The following SLC44A5 variants were observed in gnomAD, a reference collection of about 807,000 sequenced individuals.
SLC44A5 encodes the protein choline transporter-like protein 5.
In SLC44A5, 57 loss-of-function variants were observed where a neutral mutation model predicts 101.8. The ratio of observed to expected loss-of-function variants is 0.56; its 90% confidence interval spans 0.45 to 0.70. The LOEUF is 0.70. SLC44A5 is among the 30% of genes least tolerant of loss of function. The pLI is 0.00. For missense variants in SLC44A5, 737 were observed against 853.1 expected (o/e 0.86, Z 1.70); for synonymous variants, 281 against 290.9 (o/e 0.97, Z 0.35).
chr1:75,320,941 C>A (rs1247146373), intron 4 of SLC44A5, among the ~76,000 whole-genome samples: 1 of 151,952 alleles, frequency 6.6e-6, no homozygotes, highest in East Asian at 1.9e-4. Flanking sequence ...GGACTCTAAG[C>A]AAGTGTGCTT....
At chr1:75,262,535 A>G (rs555988771) in intron 6 of SLC44A5, among the ~76,000 whole-genome samples, 104 of 152,334 alleles carry the variant, frequency 6.8e-4, no homozygotes, top group African/African-American at 2.5e-3. Context: ...AAGAAACAAT[A>G]TTGTGAAAAT....
chr1:75,630,474 A>C, the SLC44A5 span, among the ~76,000 whole-genome samples: 1 of 152,274 alleles, frequency 6.6e-6, no homozygotes. Flanking sequence ...TAGAATATTC[A>C]CTGGTAAGAT....
At chr1:75,246,450 G>A (rs1049658895) in intron 7 of SLC44A5, among the ~76,000 whole-genome samples, 6 of 151,976 alleles carry the variant, frequency 3.9e-5, no homozygotes, top group Admixed American at 2.0e-4. Context: ...CCCCTACTCT[G>A]AGCCTGTTCC....
chr1:75,567,488 C>T (rs1469776206), intron 1 of SLC44A5, among the ~76,000 whole-genome samples: 1 of 152,096 alleles, frequency 6.6e-6, no homozygotes, highest in African/African-American at 2.4e-5. Flanking sequence ...AGAGTAATTG[C>T]TAATTCCAAA....
intron 3 of SLC44A5, among the ~76,000 whole-genome samples, chr1:75,377,294 T>C (rs1339853127): frequency 8.9e-6 from 1 of 112,200 alleles, no homozygotes; most frequent in Non-Finnish European, 1.8e-5. Context: ...AAGATGTGCT[T>C]TGTTAAACAG....
the SLC44A5 span, among the ~76,000 whole-genome samples, chr1:75,721,081 G>A: frequency 6.6e-6 from 1 of 152,168 alleles, no homozygotes; most frequent in African/African-American, 2.4e-5. Flanking sequence ...AGAAGAGATT[G>A]TAAATGTTTC....
the SLC44A5 span, chr1:75,642,134 A>G: frequency 1.1e-6 from 1 of 893,158 alleles, no homozygotes; most frequent in African/African-American, 1.7e-5. Context: ...TATATATTAA[A>G]ACTGCCTGTA....
chr1:75,703,662 A>T, the SLC44A5 span, among the ~76,000 whole-genome samples: 1 of 23,924 alleles, frequency 4.2e-5, no homozygotes, highest in Non-Finnish European at 9.8e-5. Context: ...AAAGTATAAT[A>T]AAAAAAAAAA....
At chr1:75,212,547 T>TA (rs1201110259) in intron 22 of SLC44A5, among the ~76,000 whole-genome samples, 2 of 152,170 alleles carry the variant, frequency 1.3e-5, no homozygotes, top group African/African-American at 2.4e-5. Context: ...GACTGTATAG[T>TA]ATTCCATGGT....
intron 23 of SLC44A5, chr1:75,204,339 CT>C (rs1646713703): frequency 6.6e-6 from 1 of 152,072 alleles, no homozygotes; most frequent in Admixed American, 6.6e-5. Context: ...TAAATATCTT[CT>C]CAAAAACAAT....
intron 4 of SLC44A5, among the ~76,000 whole-genome samples, chr1:75,332,790 A>G (rs865949747): frequency 1.3e-5 from 2 of 152,204 alleles, no homozygotes; most frequent in Admixed American, 1.3e-4. Context: ...ATCACAAAAT[A>G]AAAAGTTCAG....
intron 2 of SLC44A5, among the ~76,000 whole-genome samples, chr1:75,538,847 G>T (rs962776641): frequency 2.0e-4 from 30 of 152,160 alleles, no homozygotes; most frequent in African/African-American, 7.2e-4. Context: ...CCTCTGTGCT[G>T]TTCCTGAAAC....
chr1:75,594,213 G>C (rs187201304), intron 1 of SLC44A5, among the ~76,000 whole-genome samples: 1 of 151,856 alleles, frequency 6.6e-6, no homozygotes, highest in East Asian at 1.9e-4. Flanking sequence ...ATTATACTGA[G>C]CCCAAGTCAC....
At chr1:75,458,367 G>A (rs1420376873) in intron 2 of SLC44A5, among the ~76,000 whole-genome samples, 1 of 152,148 alleles carries the variant, frequency 6.6e-6, no homozygotes, top group Non-Finnish European at 1.5e-5. Context: ...TTAACATCCT[G>A]CTAAGAATCT....
At chr1:75,231,191 G>C (rs941169199) in intron 12 of SLC44A5, among the ~76,000 whole-genome samples, 1 of 152,058 alleles carries the variant, frequency 6.6e-6, no homozygotes, top group African/African-American at 2.4e-5. Flanking sequence ...AGGAGTTTCA[G>C]GTATGATCCC....
intron 4 of SLC44A5, among the ~76,000 whole-genome samples, chr1:75,324,189 G>A (rs1012016162): frequency 6.6e-6 from 1 of 152,122 alleles, no homozygotes; most frequent in Non-Finnish European, 1.5e-5. Flanking sequence ...CAAACACTTT[G>A]AATTTCCTGA....
intron 1 of SLC44A5, among the ~76,000 whole-genome samples, chr1:75,557,728 C>T (rs568492242): frequency 2.6e-5 from 4 of 152,170 alleles, no homozygotes; most frequent in Non-Finnish European, 4.4e-5. Context: ...CTGTAGTATA[C>T]TTAGTGTCTG....
intron 3 of SLC44A5, among the ~76,000 whole-genome samples, chr1:75,356,286 G>A (rs1178519487): frequency 6.6e-6 from 1 of 151,112 alleles, no homozygotes; most frequent in Admixed American, 6.6e-5. Flanking sequence ...CTCCGTGCAT[G>A]TTATTGCTTC....
At chr1:75,286,121 G>A (rs986058911) in intron 5 of SLC44A5, among the ~76,000 whole-genome samples, 2 of 152,058 alleles carry the variant, frequency 1.3e-5, no homozygotes, top group African/African-American at 2.4e-5. Flanking sequence ...CTCAGGTCTA[G>A]TAGTAATAGT....
Sources: allele counts gnomAD v4.1 joint callset (sites outside exome capture counted in the v4.1 genomes callset), GRCh38; gene constraint gnomAD v4.1.1; transcripts MANE v1.5; gene names NCBI Gene and HGNC (gene_info 2026-07-23, HGNC 2026-07-21).